The following SDK1 variants were observed in gnomAD, a reference collection of about 807,000 sequenced individuals.
SDK1 encodes the protein protein sidekick-1.
A neutral mutation model predicts 245.5 loss-of-function variants in SDK1; 157 were observed. The observed-to-expected ratio is 0.64, with a 90% CI of 0.56 to 0.73. The LOEUF (loss-of-function observed/expected upper bound fraction) is 0.73. Among genes scored for constraint, SDK1 ranks in the 30% least tolerant of loss-of-function variants. SDK1 has a pLI of 0.00. For synonymous variants in SDK1, 1,647 were observed against 1,278.5 expected (o/e 1.29, Z -6.15); for missense variants, 3,583 against 3,002.3 (o/e 1.19, Z -4.52).
chr7:3,890,531 G>A (rs1438534032), intron 5 of SDK1, among the ~76,000 whole-genome samples: 10 of 151,998 alleles, frequency 6.6e-5, no homozygotes, highest in African/African-American at 2.4e-4. Flanking sequence ...CTATGCACAC[G>A]TTGAACCAAG....
rs535131675 is a variant in SDK1, at chr7:4,132,359, A to C, written c.4164A>C (p.Glu1388Asp). ...PGPPVRLVFPEVRLTSVRIVW... is the reference protein window; with the variant it reads ...PGPPVRLVFPDVRLTSVRIVW... ...CACCAGTGAGGCTCGTGTTCCCCGA[A>C]GTGAGACTCACCTCCGTGCGGATAG... Residue 1388 changes from glutamate (E) to aspartate (D), a missense_variant, in exon 28 of 45, where the codon GAA (glutamate) becomes GAC (aspartate). By Grantham distance (45) the Glu-to-Asp change is conservative (BLOSUM62 2). Transcript: ENST00000404826. 6.2e-7 allele frequency: 1 copy of C among 1,612,822 alleles called. No individual in the cohort carries two copies. The highest frequency in any genetic ancestry group is 1.3e-5 in the African/African-American group (1 of 75,034).
At chr7:3,663,216 T>G (rs1783420243) in intron 4 of SDK1, among the ~76,000 whole-genome samples, 1 of 152,212 alleles carries the variant, frequency 6.6e-6, no homozygotes, top group African/African-American at 2.4e-5. Flanking sequence ...AGTAAAATTG[T>G]GATACTTACT....
Position 3,754,976 on chromosome 7 carries a change from T to G in SDK1, c.714-66474T>G, listed in dbSNP as rs28570515. ...TCACTTGGGCGATGTTTTATCTAAT[T>G]TCTGGAAAGGCTTTGTTTTATAAAG... On this transcript the variant is annotated intron_variant, in intron 4 of 44. Transcript: ENST00000404826. Among the ~76,000 whole-genome samples the G allele has an allele frequency of 5.5e-3, 845 of 152,298 alleles. 10 individuals carry two copies. The highest frequency in any genetic ancestry group is 0.02 in the African/African-American group (811 of 41,558).
chr7:3,526,384 A>T (rs1314441787), intron 1 of SDK1, among the ~76,000 whole-genome samples: 1 of 152,160 alleles, frequency 6.6e-6, no homozygotes, highest in Non-Finnish European at 1.5e-5. Context: ...TAATTTTTGA[A>T]GTCAGTTCTT....
At chr7:3,980,050 A>G (rs1223183949) in intron 13 of SDK1, among the ~76,000 whole-genome samples, 1 of 152,152 alleles carries the variant, frequency 6.6e-6, no homozygotes, top group Non-Finnish European at 1.5e-5. Flanking sequence ...TTTCCCCCAG[A>G]GTTATCAAGC....
At position 3,679,664 on chromosome 7, in the gene SDK1, T is replaced by C. The variant is rs545965214; in HGVS notation, c.713+37559T>C. On this transcript the variant is annotated intron_variant, in intron 4 of 44. Transcript: ENST00000404826. The stretch of plus-strand genomic sequence containing the variant: ...GTATATGAAAATACCTTTGCCATCA[T>C]TGGCCATTAGGAAAGCGCACTTTCA... 4.6e-5 allele frequency among the ~76,000 whole-genome samples: 7 copies of C among 152,362 alleles called. No individual in the cohort carries two copies. In the South Asian group the frequency reaches 1.0e-3, roughly 23 times the overall value.
chr7:3,957,178 G>C (rs1461586825), intron 7 of SDK1, among the ~76,000 whole-genome samples: 1 of 152,268 alleles, frequency 6.6e-6, no homozygotes, highest in East Asian at 1.9e-4. Flanking sequence ...GTGGGGGTTT[G>C]GGGTGCTCCT....
intron 5 of SDK1, among the ~76,000 whole-genome samples, chr7:3,874,779 T>C (rs1438303001): frequency 6.6e-6 from 1 of 152,208 alleles, no homozygotes; most frequent in African/African-American, 2.4e-5. Context: ...CACAGTAAGA[T>C]TCTAGCAGTG....
chr7:4,165,411 A>G (rs890621533), intron 32 of SDK1, among the ~76,000 whole-genome samples: 6 of 152,326 alleles, frequency 3.9e-5, no homozygotes, highest in African/African-American at 1.4e-4. Flanking sequence ...TTATAGACCC[A>G]TTTAAATGCC....
intron 1 of SDK1, among the ~76,000 whole-genome samples, chr7:3,480,235 T>G (rs1400715641): frequency 6.6e-6 from 1 of 152,154 alleles, no homozygotes; most frequent in Non-Finnish European, 1.5e-5. Context: ...AGCAGGTCAT[T>G]GCTGGCTGTG....
intron 35 of SDK1, among the ~76,000 whole-genome samples, chr7:4,183,736 A>G (rs971613536): frequency 3.9e-5 from 6 of 152,176 alleles, no homozygotes; most frequent in Non-Finnish European, 8.8e-5. Flanking sequence ...TAGCTTTACA[A>G]AGGCAGTTTC....
chr7:3,886,912 A>T (rs998868680), intron 5 of SDK1, among the ~76,000 whole-genome samples: 1 of 152,222 alleles, frequency 6.6e-6, no homozygotes, highest in African/African-American at 2.4e-5. Context: ...TGAGATCTCA[A>T]TTTAAAAAAC....
At chr7:3,779,430 G>C (rs371693014) in intron 4 of SDK1, among the ~76,000 whole-genome samples, 71 of 151,806 alleles carry the variant, frequency 4.7e-4, no homozygotes, top group African/African-American at 1.4e-3. Flanking sequence ...TTGTGAAGTG[G>C]TGTGGCAAAG....
chr7:4,105,520 T>A (rs1218569881), intron 22 of SDK1, among the ~76,000 whole-genome samples: 2 of 151,042 alleles, frequency 1.3e-5, no homozygotes, highest in African/African-American at 4.9e-5. Flanking sequence ...TTGGCCAGGC[T>A]GGTCTTGATC....
intron 1 of SDK1, among the ~76,000 whole-genome samples, chr7:3,537,553 T>C (rs765766106): frequency 1.3e-5 from 2 of 152,202 alleles, no homozygotes; most frequent in South Asian, 2.1e-4. Flanking sequence ...ACCATGACTC[T>C]TTGGGGTTGA....
intron 1 of SDK1, among the ~76,000 whole-genome samples, chr7:3,514,739 G>C (rs1262444756): frequency 6.6e-6 from 1 of 152,156 alleles, no homozygotes; most frequent in Non-Finnish European, 1.5e-5. Context: ...TCCTTGACCA[G>C]AACTGTAGGT....
At chr7:3,417,472 C>A (rs1583826832) in intron 1 of SDK1, among the ~76,000 whole-genome samples, 4 of 152,130 alleles carry the variant, frequency 2.6e-5, no homozygotes, top group Admixed American at 2.6e-4. Flanking sequence ...CTCTTACTTG[C>A]TGCTTTTATG....
At chr7:3,362,765 C>G (rs946168133) in intron 1 of SDK1, among the ~76,000 whole-genome samples, 4 of 152,010 alleles carry the variant, frequency 2.6e-5, no homozygotes, top group Non-Finnish European at 5.9e-5. Flanking sequence ...TTTTCATGTA[C>G]CATGTAAAAG....
At chr7:3,901,150 T>C (rs1781776303) in intron 5 of SDK1, among the ~76,000 whole-genome samples, 1 of 152,164 alleles carries the variant, frequency 6.6e-6, no homozygotes, top group African/African-American at 2.4e-5. Context: ...GCTGACTGTG[T>C]ATTCTTTGTC....
Sources: allele counts gnomAD v4.1 joint callset (sites outside exome capture counted in the v4.1 genomes callset), GRCh38; gene constraint gnomAD v4.1.1; transcripts MANE v1.5; gene names NCBI Gene and HGNC (gene_info 2026-07-23, HGNC 2026-07-21).